The following NEDD4L variants were observed in gnomAD, a reference collection of about 807,000 sequenced individuals.
The protein encoded by NEDD4L is NEDD4 like E3 ubiquitin protein ligase, also known as E3 ubiquitin-protein ligase NEDD4-like.
NEDD4L carries 54 observed loss-of-function variants against 148.9 expected under a neutral mutation model. That is an observed-to-expected ratio of 0.36 (90% CI 0.29 to 0.45). The LOEUF is 0.45. Ranked by LOEUF, NEDD4L falls within the 20% of genes least tolerant of loss-of-function variation. The pLI is 1.00. For missense variants in NEDD4L, 856 were observed against 1,233.8 expected (o/e 0.69, Z 4.59); for synonymous variants, 433 against 440.7 (o/e 0.98, Z 0.22).
intron 1 of NEDD4L, among the ~76,000 whole-genome samples, chr18:58,057,473 C>T (rs556058670): frequency 6.6e-5 from 10 of 152,214 alleles, no homozygotes; most frequent in South Asian, 4.2e-4. Context: ...TGCTGAAGTC[C>T]GTCCAGGGTG....
chr18:58,284,191 T>C (rs1420567882), intron 5 of NEDD4L, among the ~76,000 whole-genome samples: 3 of 152,240 alleles, frequency 2.0e-5, no homozygotes, highest in Non-Finnish European at 4.4e-5. Flanking sequence ...AGCAAACTAA[T>C]ATGCTAATCA....
intron 5 of NEDD4L, among the ~76,000 whole-genome samples, chr18:58,283,714 G>A (rs1001906158): frequency 2.0e-5 from 2 of 101,962 alleles, no homozygotes; most frequent in African/African-American, 3.6e-5. Context: ...AACTTACCTC[G>A]TCACTTCATT....
intron 5 of NEDD4L, among the ~76,000 whole-genome samples, chr18:58,277,397 G>A (rs774252940): frequency 3.9e-5 from 6 of 152,186 alleles, no homozygotes; most frequent in Non-Finnish European, 7.4e-5. Flanking sequence ...GGGTGGTATA[G>A]TCCCAGATGA....
At chr18:58,065,524 A>G (rs921851689) in intron 1 of NEDD4L, among the ~76,000 whole-genome samples, 1 of 152,246 alleles carries the variant, frequency 6.6e-6, no homozygotes, top group African/African-American at 2.4e-5. Context: ...CAGTAAAATA[A>G]GGAACGACCT....
At chr18:58,317,230 C>G (rs2058368181) in intron 6 of NEDD4L, among the ~76,000 whole-genome samples, 1 of 152,200 alleles carries the variant, frequency 6.6e-6, no homozygotes. Context: ...GGGGCCTGCC[C>G]AGGGCTTCTG....
At chr18:58,131,022 C>T (rs1475195006) in intron 1 of NEDD4L, among the ~76,000 whole-genome samples, 7 of 102,604 alleles carry the variant, frequency 6.8e-5, no homozygotes, top group South Asian at 7.5e-4. Flanking sequence ...AGAACAGTGG[C>T]GGTGTTGGGC....
chr18:58,197,430 C>T (rs1442405440), intron 2 of NEDD4L, among the ~76,000 whole-genome samples: 2 of 152,098 alleles, frequency 1.3e-5, no homozygotes, highest in African/African-American at 4.8e-5. Flanking sequence ...TGAGACACCC[C>T]CGTTTGCTTC....
intron 2 of NEDD4L, among the ~76,000 whole-genome samples, chr18:58,206,344 G>T (rs545471771): frequency 2.4e-4 from 37 of 152,214 alleles, no homozygotes; most frequent in African/African-American, 8.9e-4. Context: ...AGCTGAGATC[G>T]CACCACTGCA....
chr18:58,302,945 G>A (rs150262669), intron 5 of NEDD4L, among the ~76,000 whole-genome samples: 83 of 152,342 alleles, frequency 5.4e-4, no homozygotes, highest in African/African-American at 1.7e-3. Flanking sequence ...CCTTGTAGTC[G>A]TCAGTAGAGG....
chr18:58,246,413 T>A (rs917191828), intron 3 of NEDD4L, among the ~76,000 whole-genome samples: 2 of 152,222 alleles, frequency 1.3e-5, no homozygotes, highest in Non-Finnish European at 2.9e-5. Context: ...TTCCTAATTT[T>A]TATGTACATG....
intron 5 of NEDD4L, among the ~76,000 whole-genome samples, chr18:58,289,067 T>C (rs2054324669): frequency 6.6e-6 from 1 of 152,236 alleles, no homozygotes; most frequent in South Asian, 2.1e-4. Context: ...CATATTACTT[T>C]AACTAGATCA....
chr18:58,372,856 G>A (rs2047072488), intron 23 of NEDD4L, among the ~76,000 whole-genome samples: 1 of 150,126 alleles, frequency 6.7e-6, no homozygotes, highest in Non-Finnish European at 1.5e-5. Flanking sequence ...AAGAGAGAGA[G>A]AAAAGAAAGT....
intron 2 of NEDD4L, among the ~76,000 whole-genome samples, chr18:58,219,655 C>G (rs886868076): frequency 6.6e-6 from 1 of 152,100 alleles, no homozygotes; most frequent in Non-Finnish European, 1.5e-5. Flanking sequence ...ATCTCCTGTT[C>G]GTATAAGGGC....
At chr18:58,107,102 C>T (rs1245183347) in intron 1 of NEDD4L, among the ~76,000 whole-genome samples, 2 of 152,148 alleles carry the variant, frequency 1.3e-5, no homozygotes, top group African/African-American at 2.4e-5. Flanking sequence ...ACATGGTCCT[C>T]CTTCTGTGTG....
rs111990113 is a variant in NEDD4L, at chr18:58,187,826, C to G, written c.122+21965C>G. On this transcript the variant is annotated intron_variant, in intron 2 of 30. Coordinates refer to ENST00000400345, the MANE Select transcript of NEDD4L (RefSeq NM_001144967.3). Reference sequence around the variant, plus strand: ...AATCCTCACCACCGCCCCCCACCCCCATGTGCATTTCATTTCTCTTTGGTC... The same window carrying G: ...AATCCTCACCACCGCCCCCCACCCCGATGTGCATTTCATTTCTCTTTGGTC... Among the ~76,000 whole-genome samples the G allele has an allele frequency of 7.1e-3, 1,075 of 152,228 alleles. 5 individuals are homozygous for G. The highest frequency in any genetic ancestry group is 0.017 in the Middle Eastern group (5 of 294).
chr18:58,326,771 A>G (rs971992059), intron 9 of NEDD4L, among the ~76,000 whole-genome samples: 7 of 152,266 alleles, frequency 4.6e-5, no homozygotes, highest in Admixed American at 1.3e-4. Context: ...AATAAGGATC[A>G]TGCAGATTAG....
At chr18:58,376,819 G>C (rs1213464633) in intron 24 of NEDD4L, among the ~76,000 whole-genome samples, 1 of 152,198 alleles carries the variant, frequency 6.6e-6, no homozygotes, top group Non-Finnish European at 1.5e-5. Context: ...GGCTCTCCCT[G>C]CTCCTCCTCC....
chr18:58,174,957 A>T (rs545515784), intron 2 of NEDD4L, among the ~76,000 whole-genome samples: 5 of 152,252 alleles, frequency 3.3e-5, no homozygotes, highest in African/African-American at 1.2e-4. Context: ...TTATTTTACT[A>T]ATGGAGAAGC....
chr18:58,290,437 A>ATTGGCAAATCTCACTC (rs11269772), intron 5 of NEDD4L, among the ~76,000 whole-genome samples: 68,911 of 151,648 alleles, frequency 0.45, 16,488 homozygotes, highest in African/African-American at 0.61. Flanking sequence ...GCTTGATGCT[A>ATTGGCAAATCTCACTC]TTGGCAAATG....
Sources: allele counts gnomAD v4.1 joint callset (sites outside exome capture counted in the v4.1 genomes callset), GRCh38; gene constraint gnomAD v4.1.1; transcripts MANE v1.5; gene names NCBI Gene and HGNC (gene_info 2026-07-23, HGNC 2026-07-21).